TMEFF1: variants seen among roughly 807,000 people sequenced by gnomAD.
TMEFF1 encodes the protein transmembrane protein with EGF like and two follistatin like domains 1.
A neutral mutation model predicts 47.5 loss-of-function variants in TMEFF1; 20 were observed. The observed-to-expected ratio is 0.42, with a 90% CI of 0.30 to 0.61. TMEFF1 has a LOEUF of 0.61. TMEFF1 is among the 20% of genes least tolerant of loss of function. The pLI is 0.19. For missense variants in TMEFF1, 411 were observed against 471.1 expected, an observed-to-expected ratio of 0.87 and a Z score of 1.18; for synonymous variants, 162 against 166.3, an observed-to-expected ratio of 0.97 and a Z score of 0.20.
intron 5 of TMEFF1, among the ~76,000 whole-genome samples, chr9:100,546,124 G>A (rs939738859): frequency 1.3e-5 from 2 of 152,130 alleles, no homozygotes; most frequent in African/African-American, 4.8e-5. Flanking sequence ...CTTTTCGGCA[G>A]CACCCCACTC....
intron 5 of TMEFF1, among the ~76,000 whole-genome samples, chr9:100,521,483 A>AAACT (rs1169238673): frequency 1.3e-5 from 2 of 152,220 alleles, no homozygotes; most frequent in East Asian, 3.9e-4. Context: ...CTGGGTCTTA[A>AAACT]AACTTGAAAA....
intron 1 of TMEFF1, among the ~76,000 whole-genome samples, chr9:100,493,972 C>T (rs1837605551): frequency 6.6e-6 from 1 of 151,936 alleles, no homozygotes; most frequent in Admixed American, 6.6e-5. Flanking sequence ...GGCTTGAGCC[C>T]AAGAATTCAA....
At chr9:100,486,794 A>G (rs1217729810) in intron 1 of TMEFF1, among the ~76,000 whole-genome samples, 2 of 152,042 alleles carry the variant, frequency 1.3e-5, no homozygotes, top group Non-Finnish European at 2.9e-5. Flanking sequence ...CACCATATCC[A>G]GCTAATTTTT....
intron 5 of TMEFF1, among the ~76,000 whole-genome samples, chr9:100,540,578 T>G (rs1194435421): frequency 6.6e-6 from 1 of 152,106 alleles, no homozygotes; most frequent in Non-Finnish European, 1.5e-5. Context: ...GCCCCCACAG[T>G]GCAGTGGCAG....
intron 5 of TMEFF1, among the ~76,000 whole-genome samples, chr9:100,546,433 C>T (rs1188667390): frequency 7.3e-5 from 11 of 151,294 alleles, no homozygotes; most frequent in Non-Finnish European, 1.5e-5. Context: ...ATTCAATCCC[C>T]CCCCCACCAG....
intron 6 of TMEFF1, among the ~76,000 whole-genome samples, chr9:100,548,464 G>A (rs970953104): frequency 6.6e-6 from 1 of 152,096 alleles, no homozygotes; most frequent in African/African-American, 2.4e-5. Flanking sequence ...ATAAGAAAGA[G>A]TTTTTGTTTT....
At chr9:100,530,891 G>A (rs1165048759) in intron 5 of TMEFF1, among the ~76,000 whole-genome samples, 7 of 152,108 alleles carry the variant, frequency 4.6e-5, no homozygotes, top group East Asian at 3.8e-4. Flanking sequence ...ATCCACCATG[G>A]TCAAGTGGGC....
At chr9:100,513,665 T>C (rs569395035) in intron 4 of TMEFF1, among the ~76,000 whole-genome samples, 3 of 152,292 alleles carry the variant, frequency 2.0e-5, no homozygotes, top group African/African-American at 7.2e-5. Context: ...TGGAAGTTTA[T>C]TGTCATACTA....
chr9:100,548,548 G>T (rs1014357822), intron 6 of TMEFF1, among the ~76,000 whole-genome samples: 2 of 152,196 alleles, frequency 1.3e-5, no homozygotes, highest in African/African-American at 4.8e-5. Context: ...ATTCAGATGA[G>T]TTGGGAAGAT....
chr9:100,522,053 C>A (rs185605662), intron 5 of TMEFF1, among the ~76,000 whole-genome samples: 16 of 152,284 alleles, frequency 1.1e-4, no homozygotes, highest in African/African-American at 3.6e-4. Flanking sequence ...ACGAGTCTCT[C>A]CCTCAGAAGG....
intron 8 of TMEFF1, among the ~76,000 whole-genome samples, chr9:100,565,536 C>T (rs1482379195): frequency 2.0e-5 from 3 of 152,144 alleles, no homozygotes; most frequent in East Asian, 1.9e-4. Flanking sequence ...TTTATGCTGC[C>T]CTGGCAGTCA....
At position 100,565,234 on chromosome 9, in the gene TMEFF1, C is replaced by T. The variant is rs759582552; in HGVS notation, c.899+3714C>T. Among the ~76,000 whole-genome samples, 42 of 152,228 alleles carry T rather than the reference C, an allele frequency of 2.8e-4. No homozygotes were observed. The Middle Eastern group carries it at 0.01, about 37-fold the overall frequency. ...CTTTCTACCTAGCAATTCTTCTATCCCACTAGCCCTCCCATTTATTGATCC... is the reference window on the plus strand; with the variant it reads ...CTTTCTACCTAGCAATTCTTCTATCTCACTAGCCCTCCCATTTATTGATCC... On this transcript the variant is annotated intron_variant, in intron 8 of 9. Transcript: ENST00000374879.
intron 3 of TMEFF1, 60 bp from the exon 4 acceptor site, chr9:100,513,247 T>G (rs1306342451): frequency 6.4e-7 from 1 of 1,574,196 alleles, no homozygotes; most frequent in African/African-American, 1.4e-5. Flanking sequence ...AATTTTATTA[T>G]TTGATAAGAT....
At chr9:100,476,841 C>T (rs921226477) in intron 1 of TMEFF1, among the ~76,000 whole-genome samples, 2 of 151,938 alleles carry the variant, frequency 1.3e-5, no homozygotes. Flanking sequence ...GGACTACAGG[C>T]ACCCGCCACC....
At chr9:100,538,461 C>G (rs991539236) in intron 5 of TMEFF1, among the ~76,000 whole-genome samples, 1 of 152,190 alleles carries the variant, frequency 6.6e-6, no homozygotes, top group East Asian at 1.9e-4. Context: ...GCCCTGCAGT[C>G]GGCCCTGAGG....
At chr9:100,533,986 G>T (rs12352336) in intron 5 of TMEFF1, among the ~76,000 whole-genome samples, 4,048 of 152,204 alleles carry the variant, frequency 0.027, 90 homozygotes, top group Non-Finnish European at 0.042. Context: ...TAAAGTGCTG[G>T]GATTACAGGC....
intron 5 of TMEFF1, among the ~76,000 whole-genome samples, chr9:100,545,059 T>C (rs942137269): frequency 6.6e-6 from 1 of 152,186 alleles, no homozygotes; most frequent in African/African-American, 2.4e-5. Flanking sequence ...GCATTGAGTG[T>C]CTGTGGCTTT....
intron 5 of TMEFF1, among the ~76,000 whole-genome samples, chr9:100,520,543 G>A (rs925763264): frequency 2.6e-5 from 4 of 152,154 alleles, no homozygotes; most frequent in Non-Finnish European, 5.9e-5. Context: ...CTGCTATTAA[G>A]AGAAGTGCTT....
intron 9 of TMEFF1, among the ~76,000 whole-genome samples, chr9:100,575,311 A>G (rs770366517): frequency 6.6e-6 from 1 of 152,012 alleles, no homozygotes; most frequent in Non-Finnish European, 1.5e-5. Context: ...CGCCTTTCAT[A>G]TTTTCAGACT....
Sources: allele counts gnomAD v4.1 joint callset (sites outside exome capture counted in the v4.1 genomes callset), GRCh38; gene constraint gnomAD v4.1.1; transcripts MANE v1.5; gene names NCBI Gene and HGNC (gene_info 2026-07-23, HGNC 2026-07-21).